Variants in FRMPD4 observed in about 807,000 individuals in gnomAD.
FRMPD4 encodes the protein FERM and PDZ domain containing 4, also known as FERM and PDZ domain-containing protein 4.
A neutral mutation model predicts 94.1 loss-of-function variants in FRMPD4; 22 were observed. That is an observed-to-expected ratio of 0.23 (90% CI 0.17 to 0.33). FRMPD4 has a LOEUF of 0.33. Among genes scored for constraint, FRMPD4 ranks in the 10% least tolerant of loss-of-function variants. FRMPD4 has a pLI of 1.00. For synonymous variants in FRMPD4, 631 were observed against 548.6 expected (o/e 1.15, Z -2.10); for missense variants, 1,111 against 1,339.9 (o/e 0.83, Z 2.67).
chrX:12,014,522 A>C (rs1366795360), intron 3 of FRMPD4, among the ~76,000 whole-genome samples: 1 of 111,834 alleles, frequency 8.9e-6, no homozygotes, highest in Non-Finnish European at 1.9e-5. Context: ...GGATATAGGC[A>C]TCCCTGTGTA....
intron 3 of FRMPD4, among the ~76,000 whole-genome samples, chrX:11,983,131 A>G (rs184405235): frequency 3.4e-4 from 38 of 112,333 alleles, no homozygotes; most frequent in African/African-American, 1.1e-3. Context: ...CACAGGTAAC[A>G]TGAATTAGGA....
chrX:11,857,364 A>G (rs190018549), intron 1 of FRMPD4, among the ~76,000 whole-genome samples: 71 of 111,640 alleles, frequency 6.4e-4, no homozygotes, highest in Middle Eastern at 9.3e-3. Context: ...AAAAAAAAGA[A>G]CTATAGACAA....
chrX:12,072,081 C>G (rs1392655019), intron 3 of FRMPD4, among the ~76,000 whole-genome samples: 1 of 111,076 alleles, frequency 9.0e-6, no homozygotes, highest in Non-Finnish European at 1.9e-5. Context: ...GCCTTGAACT[C>G]CTGGGTTCAA....
At chrX:12,407,892 G>A (rs891223411) in intron 1 of FRMPD4, among the ~76,000 whole-genome samples, 2 of 110,761 alleles carry the variant, frequency 1.8e-5, no homozygotes, top group East Asian at 2.8e-4. Context: ...ATTGTGATTC[G>A]GGCCTGACTA....
intron 3 of FRMPD4, among the ~76,000 whole-genome samples, chrX:11,896,391 G>A (rs1180832847): frequency 9.0e-6 from 1 of 111,188 alleles, no homozygotes; most frequent in Non-Finnish European, 1.9e-5. Flanking sequence ...GTGTTACGAG[G>A]TGGGGTCATT....
rs200714100 is a variant in FRMPD4 at position 11,867,025 on chromosome X, T to A, written c.-30+1809T>A. 3.6e-5 allele frequency among the ~76,000 whole-genome samples: 4 copies of A among 111,094 alleles called. No individual in the cohort carries two copies. In the East Asian group the frequency reaches 1.1e-3, roughly 31 times the overall value. ...ACAGCCTATTGAGGGATTACAATAT[T>A]AATAATAATTATTTAATAAAATAGA... On this transcript the variant is annotated intron_variant, in intron 2 of 18. Transcript: ENST00000640291.
chrX:12,129,866 C>T (rs1020004112), intron 3 of FRMPD4, among the ~76,000 whole-genome samples: 1 of 111,607 alleles, frequency 9.0e-6, no homozygotes, highest in Admixed American at 9.5e-5. Context: ...GTGCAGAAAC[C>T]TTTCTAAACT....
At chrX:12,491,404 T>C (rs2057791849) in intron 1 of FRMPD4, among the ~76,000 whole-genome samples, 1 of 112,090 alleles carries the variant, frequency 8.9e-6, no homozygotes, top group South Asian at 3.8e-4. Context: ...GATCACATGG[T>C]GCACACCCTT....
intron 1 of FRMPD4, among the ~76,000 whole-genome samples, chrX:12,304,838 A>G (rs959008159): frequency 8.9e-6 from 1 of 112,389 alleles, no homozygotes; most frequent in Non-Finnish European, 1.9e-5. Context: ...ATCATTCATG[A>G]TGAAGACATG....
Position 12,609,780 on chromosome X carries a change from C to T in FRMPD4, c.218C>T (p.Pro73Leu). 1 of 1,207,652 alleles carries T rather than the reference C, an allele frequency of 8.3e-7. No individual in the cohort carries two copies. ...DPRLESCQII[P>L]PAPRKVEMRR... Reference sequence around the variant, plus strand: ...CGGTTAGAGAGCTGCCAAATCATCCCTCCGGCTCCTCGGAAGGTGGAGATG... The same window carrying T: ...CGGTTAGAGAGCTGCCAAATCATCCTTCCGGCTCCTCGGAAGGTGGAGATG... The change falls in exon 3 of 17, where the codon CCT (proline) becomes CTT (leucine). Residue 73 changes from proline (P) to leucine (L), a missense_variant. This residue lies in a region of FRMPD4 where 140 missense variants were observed against 165.9 expected (regional missense o/e 0.84). Coordinates refer to ENST00000675598, the MANE Select transcript of FRMPD4 (RefSeq NM_001368397.1).
chrX:12,176,552 A>T (rs2056297497), intron 1 of FRMPD4, among the ~76,000 whole-genome samples: 1 of 112,557 alleles, frequency 8.9e-6, no homozygotes, highest in Non-Finnish European at 1.9e-5. Context: ...ACATTCAGTA[A>T]TTAAGTCAAA....
chrX:12,494,088 G>C (rs1360249701), intron 1 of FRMPD4, among the ~76,000 whole-genome samples: 1 of 111,948 alleles, frequency 8.9e-6, no homozygotes, highest in Non-Finnish European at 1.9e-5. Context: ...GAGAATGCTT[G>C]GTTTTATGTT....
chrX:12,141,676 C>T (rs146876266), intron 1 of FRMPD4, among the ~76,000 whole-genome samples: 2,750 of 104,951 alleles, frequency 0.026, 31 homozygotes, highest in African/African-American at 0.043. Context: ...TTGCATCCTT[C>T]GTGGGTGGCA....
intron 3 of FRMPD4, among the ~76,000 whole-genome samples, chrX:11,969,455 TAGAG>T (rs1420561967): frequency 1.8e-5 from 2 of 111,456 alleles, no homozygotes; most frequent in African/African-American, 3.3e-5. Flanking sequence ...AATCTGAAAA[TAGAG>T]AGGCTTTCAT....
intron 1 of FRMPD4, among the ~76,000 whole-genome samples, chrX:12,390,362 T>C (rs1301968908): frequency 8.9e-6 from 1 of 112,485 alleles, no homozygotes; most frequent in Non-Finnish European, 1.9e-5. Flanking sequence ...CCAGCTCCAG[T>C]TTATACCAAA....
chrX:11,987,097 T>TGAAA (rs1569137639), intron 3 of FRMPD4, among the ~76,000 whole-genome samples: 5 of 14,642 alleles, frequency 3.4e-4, no homozygotes, highest in Non-Finnish European at 5.4e-4. Flanking sequence ...CAAAGACACA[T>TGAAA]TAAAAAAAAA....
intron 1 of FRMPD4, among the ~76,000 whole-genome samples, chrX:12,178,056 G>A (rs1377194794): frequency 1.8e-5 from 2 of 111,243 alleles, no homozygotes; most frequent in African/African-American, 6.5e-5. Flanking sequence ...AAAAGGTGGG[G>A]CCTTTGGGAG....
At chrX:12,615,152 G>T (rs1382283684) in intron 4 of FRMPD4, among the ~76,000 whole-genome samples, 1 of 112,101 alleles carries the variant, frequency 8.9e-6, no homozygotes, top group African/African-American at 3.2e-5. Flanking sequence ...ATATCCAAAG[G>T]TTCATTTTTT....
chrX:12,214,280 G>A (rs1032588113), intron 1 of FRMPD4, among the ~76,000 whole-genome samples: 5 of 111,061 alleles, frequency 4.5e-5, no homozygotes, highest in South Asian at 3.8e-4. Flanking sequence ...GCATAATGAC[G>A]TAAGATATTC....
Sources: gnomAD v4.1 joint callset for allele counts (sites outside exome capture counted in the v4.1 genomes callset) on GRCh38, gnomAD v4.1.1 for gene constraint, gnomAD v4.1.1 regional missense constraint, MANE v1.5 for transcripts, NCBI Gene and HGNC (gene_info 2026-07-23, HGNC 2026-07-21) for gene names.